The following BBS9 variants were observed in gnomAD, a reference collection of about 807,000 sequenced individuals.
BBS9 encodes protein PTHB1.
In BBS9, 89 loss-of-function variants were observed where a neutral mutation model predicts 117.7. That is an observed-to-expected ratio of 0.76 (90% CI 0.64 to 0.90). The LOEUF (loss-of-function observed/expected upper bound fraction) is 0.90. Among genes scored for constraint, BBS9 ranks in the 40% least tolerant of loss-of-function variants. BBS9 has a pLI of 0.00. For missense variants in BBS9, 982 were observed against 1,042.2 expected (o/e 0.94, Z 0.80); for synonymous variants, 379 against 370.9 (o/e 1.02, Z -0.25).
chr7:33,303,525 C>CCCA (rs1554406593), intron 9 of BBS9, among the ~76,000 whole-genome samples: 2 of 103,200 alleles, frequency 1.9e-5, no homozygotes, highest in African/African-American at 3.9e-5. Flanking sequence ...GATCCCCTCC[C>CCCA]CCCGCCCCTT....
intron 5 of BBS9, among the ~76,000 whole-genome samples, chr7:33,218,480 G>A (rs1336270204): frequency 1.3e-5 from 2 of 152,170 alleles, no homozygotes; most frequent in Non-Finnish European, 2.9e-5. Context: ...TGTAAATTTA[G>A]GGTATTATTT....
intron 19 of BBS9, among the ~76,000 whole-genome samples, chr7:33,489,688 A>C (rs1267908941): frequency 1.3e-5 from 2 of 152,112 alleles, no homozygotes; most frequent in Non-Finnish European, 2.9e-5. Flanking sequence ...CTATTTTCTA[A>C]GGTGTTTTTA....
intron 5 of BBS9, among the ~76,000 whole-genome samples, chr7:33,247,758 A>G (rs1795582003): frequency 6.6e-6 from 1 of 152,222 alleles, no homozygotes; most frequent in South Asian, 2.1e-4. Context: ...TTGAATGAAT[A>G]TGAGTTATGG....
intron 1 of BBS9, among the ~76,000 whole-genome samples, chr7:33,136,456 C>T (rs1356162162): frequency 6.6e-6 from 1 of 152,074 alleles, no homozygotes; most frequent in African/African-American, 2.4e-5. Context: ...GGAAAGTGTT[C>T]GGTTTACACT....
chr7:33,232,917 G>A lies in BBS9; in HGVS notation c.443-24319G>A, dbSNP rs370125907. Among the ~76,000 whole-genome samples, 256 of 152,222 alleles carry A rather than the reference G, an allele frequency of 1.7e-3. 2 individuals carry two copies. The highest frequency in any genetic ancestry group is 0.011 in the East Asian group (58 of 5,178). On this transcript the variant is annotated intron_variant, in intron 5 of 22. Coordinates refer to ENST00000242067, the MANE Select transcript of BBS9 (RefSeq NM_198428.3). ...GGTGTAGGCAAATTTAAGGAAAGTC[G>A]TAACTCTCAAACAATTCATCTGTTT...
In BBS9 at chr7:33,147,751, A is replaced by C. The variant is rs777729214; in HGVS notation, c.112+1387A>C. ...TATCTGAATAACATACTGTACACTC[A>C]TTCATTTCTATTAGAGCTCACTACT... On this transcript the variant is annotated intron_variant, in intron 2 of 22. Transcript: ENST00000242067. 3.9e-5 allele frequency among the ~76,000 whole-genome samples: 6 copies of C among 152,308 alleles called. No homozygotes were observed. The South Asian group carries it at 6.2e-4, about 16-fold the overall frequency.
At chr7:33,478,689 G>A (rs3948651) in intron 19 of BBS9, among the ~76,000 whole-genome samples, 30,221 of 151,838 alleles carry the variant, frequency 0.2, 3,824 homozygotes, top group Admixed American at 0.36. Flanking sequence ...CTTGAGAGGT[G>A]GTGCCAGGTT....
At chr7:33,231,447 C>CTTTTTTTTT (rs1792409723) in intron 5 of BBS9, among the ~76,000 whole-genome samples, 1 of 59,380 alleles carries the variant, frequency 1.7e-5, no homozygotes, top group Non-Finnish European at 3.7e-5. Context: ...TTTTTTTTTG[C>CTTTTTTTTT]CAGGACCATA....
intron 9 of BBS9, among the ~76,000 whole-genome samples, chr7:33,315,891 T>TA (rs1810396114): frequency 6.6e-6 from 1 of 152,188 alleles, no homozygotes; most frequent in African/African-American, 2.4e-5. Flanking sequence ...GCACTAAGCT[T>TA]AAACAATTAT....
Position 33,464,737 on chromosome 7 carries a change from T to A in BBS9, c.2116-40726T>A, listed in dbSNP as rs1839924412. On this transcript the variant is annotated intron_variant, in intron 19 of 22. Transcript: ENST00000242067. ...TATAAAGCACATTTATCAGTTAATTTTATTATATTCTCATGAGTCTATTAC... is the reference window on the plus strand; with the variant it reads ...TATAAAGCACATTTATCAGTTAATTATATTATATTCTCATGAGTCTATTAC... Among the ~76,000 whole-genome samples the A allele has an allele frequency of 9.2e-5, 14 of 152,154 alleles. 1 individual carries two copies. In the South Asian group the frequency reaches 2.9e-3, roughly 32 times the overall value.
At chr7:33,214,019 C>T (rs1788567283) in intron 5 of BBS9, among the ~76,000 whole-genome samples, 1 of 152,184 alleles carries the variant, frequency 6.6e-6, no homozygotes, top group Non-Finnish European at 1.5e-5. Context: ...CCACTCTAGT[C>T]CTCTGGCTCT....
At chr7:33,560,963 C>G (rs994854461) in intron 21 of BBS9, among the ~76,000 whole-genome samples, 1 of 152,158 alleles carries the variant, frequency 6.6e-6, no homozygotes, top group Admixed American at 6.5e-5. Context: ...TGTCTGACTT[C>G]CCCAGGCAGC....
In BBS9 at chr7:33,505,465, A is replaced by G. The variant is rs559656628; in HGVS notation, c.2118A>G (p.Val706=). Reference sequence around the variant, plus strand: ...ACCGAAGTTTGTAATATCTGCAGGTAATTGCTCTAGCAGATGCAGTGGAGG... The same window carrying G: ...ACCGAAGTTTGTAATATCTGCAGGTGATTGCTCTAGCAGATGCAGTGGAGG... ...DTLLDGTYKQ[V]IALADAVEEN... Residue 706 remains valine, a splice_region_variant and synonymous_variant, in exon 20 of 23, where the codon GTA becomes GTG. Coordinates refer to ENST00000242067, the MANE Select transcript of BBS9 (RefSeq NM_198428.3). 6.2e-7 allele frequency: 1 copy of G among 1,614,044 alleles called. No homozygotes were observed. Among genetic ancestry groups the G allele is most frequent in the African/African-American group, 1.3e-5 (1 of 75,054 alleles).
intron 9 of BBS9, among the ~76,000 whole-genome samples, chr7:33,335,065 A>G (rs997125766): frequency 6.6e-6 from 1 of 152,174 alleles, no homozygotes. Flanking sequence ...CTTTTAGATT[A>G]ATGAAATGAC....
intron 21 of BBS9, among the ~76,000 whole-genome samples, chr7:33,613,452 A>T (rs553584355): frequency 1.2e-4 from 18 of 152,088 alleles, no homozygotes; most frequent in Non-Finnish European, 1.8e-4. Context: ...GAGAATGTAT[A>T]CTGTGGTACA....
At chr7:33,382,000 A>G (rs143078588) in intron 17 of BBS9, among the ~76,000 whole-genome samples, 4 of 152,210 alleles carry the variant, frequency 2.6e-5, no homozygotes, top group Non-Finnish European at 5.9e-5. Flanking sequence ...GAAATATTTT[A>G]TATGTCCATG....
intron 5 of BBS9, chr7:33,243,067 C>T (rs1460046928): frequency 1.6e-5 from 8 of 492,716 alleles, no homozygotes; most frequent in East Asian, 1.1e-4. Context: ...GTATGGACCA[C>T]GTTGTAAATG....
chr7:33,287,127 G>A (rs1294940125), intron 9 of BBS9, among the ~76,000 whole-genome samples: 1 of 152,152 alleles, frequency 6.6e-6, no homozygotes, highest in Admixed American at 6.6e-5. Context: ...AAAAAAGAGT[G>A]TAAATATATA....
At chr7:33,145,423 A>G (rs4723256) in intron 1 of BBS9, among the ~76,000 whole-genome samples, 24,039 of 151,928 alleles carry the variant, frequency 0.16, 2,078 homozygotes, top group South Asian at 0.22. Flanking sequence ...AAGTAAGGAG[A>G]GGTTGTTTGG....
Sources: gnomAD v4.1 joint callset for allele counts (sites outside exome capture counted in the v4.1 genomes callset) on GRCh38, gnomAD v4.1.1 for gene constraint, MANE v1.5 for transcripts, NCBI Gene and HGNC (gene_info 2026-07-23, HGNC 2026-07-21) for gene names.